Variants in PCNX3 observed in about 807,000 individuals in gnomAD.
PCNX3 encodes the protein pecanex-like protein 3.
In PCNX3, 58 loss-of-function variants were observed where a neutral mutation model predicts 207.2. The ratio of observed to expected loss-of-function variants is 0.28; its 90% confidence interval spans 0.23 to 0.35. The LOEUF is 0.35. PCNX3 is among the 10% of genes least tolerant of loss of function. The pLI is 1.00. For missense variants in PCNX3, 2,410 were observed against 2,774.4 expected (o/e 0.87, Z 2.95); for synonymous variants, 1,337 against 1,183.5 (o/e 1.13, Z -2.66).
In PCNX3 at chr11:65,623,634, C is replaced by G. The variant is rs1344944999; in HGVS notation, c.2501C>G (p.Ser834Cys). Residue 834 changes from serine (S) to cysteine (C), a missense_variant, in exon 12 of 35, where the codon TCC (serine) becomes TGC (cysteine). Physicochemically the swap from Ser to Cys is moderately radical, Grantham distance 112. Around this residue, in one of 8 missense-constraint regions of PCNX3, gnomAD observed 177 missense variants for 257.5 expected, o/e 0.69. Transcript: ENST00000355703. ...CTGGTCATCGCCTCCTGCCAGTACT[C>G]CTTGCTGAAGGTCAGGCCGGGCTCT... ...FCLVIASCQY[S>C]LLKSVQPDAA... 2 of 1,613,046 alleles carry G rather than the reference C, an allele frequency of 1.2e-6. No homozygotes were observed. The highest frequency in any genetic ancestry group is 1.7e-6 in the Non-Finnish European group (2 of 1,179,386).
Position 65,616,371 on chromosome 11 carries a change from T to C in PCNX3, c.60T>C (p.Gly20=). The change falls in exon 1 of 35, where the codon GGT becomes GGC. Residue 20 remains glycine (G), a synonymous_variant. Transcript: ENST00000355703. ...RQGVWASLTG[G]WFFDPHQSTF... ...GGGTGTGGGCCTCGCTCACCGGCGGTTGGTTCTTCGACCCGCACCAGAGCA... is the reference window on the plus strand; with the variant it reads ...GGGTGTGGGCCTCGCTCACCGGCGGCTGGTTCTTCGACCCGCACCAGAGCA... 1.9e-6 allele frequency: 3 copies of C among 1,606,834 alleles called. No homozygotes were observed. The South Asian group carries it at 3.3e-5, about 18-fold the overall frequency.
In PCNX3 at chr11:65,637,100, G is replaced by C. The variant is rs2135494295; in HGVS notation, c.*122G>C. 2 of 1,141,282 alleles carry C rather than the reference G, an allele frequency of 1.8e-6. No homozygotes were observed. The highest frequency in any genetic ancestry group is 5.2e-5 in the East Asian group (2 of 38,708). The allele number at this position is 1,141,282 out of a possible 1,614,324, so 70.7% of individuals were successfully genotyped here. On this transcript the variant is annotated 3_prime_UTR_variant, in exon 35 of 35. Transcript: ENST00000355703. ...CATGTCTGAACCCTGACCTTTGGCT[G>C]CCTTGGCCAGAGTACCAAAACTGAG... is the stretch of plus-strand genomic sequence containing the variant.
chr11:65,620,643 C>T (rs552396782), intron 9 of PCNX3, among the ~76,000 whole-genome samples, 188 bp from the exon 10 acceptor site: 3 of 152,334 alleles, frequency 2.0e-5, no homozygotes, highest in South Asian at 2.1e-4. Flanking sequence ...GCCCAGGGCA[C>T]AGCCTCGACA....
intron 8 of PCNX3, among the ~76,000 whole-genome samples, 159 bp downstream of exon 8, chr11:65,620,091 A>G (rs1201295500): frequency 6.6e-6 from 1 of 152,176 alleles, no homozygotes; most frequent in Non-Finnish European, 1.5e-5. Context: ...TGTCTCTGTC[A>G]TCTTTTGCTC....
At position 65,630,609 on chromosome 11, in the gene PCNX3, G is replaced by A. The variant is rs565997588; in HGVS notation, c.4470+5G>A. The A allele has an allele frequency of 9.4e-6, 15 of 1,602,364 alleles. No homozygotes were observed. The East Asian group carries it at 1.6e-4, about 17-fold the overall frequency. On this transcript the variant is annotated splice_donor_5th_base_variant and intron_variant, in intron 27 of 34. Transcript: ENST00000355703. ...CTCATCACCTACTATGTCAAGGTAC[G>A]GTGGGCAGGTGTGGCCGGGCAGCAG...
rs200543946 is a variant in PCNX3, at chr11:65,618,268, C to T, written c.906C>T (p.Phe302=). The T allele has an allele frequency of 5.1e-5, 82 of 1,610,362 alleles. No individual in the cohort carries two copies. Among genetic ancestry groups the T allele is most frequent in the Non-Finnish European group, 6.8e-5 (80 of 1,178,226 alleles). Residue 302 remains phenylalanine, a synonymous_variant, in exon 6 of 35, where the codon TTC becomes TTT. Transcript: ENST00000355703. ...PQKAGSSDSC[F]SGTDRETLSS... The stretch of plus-strand genomic sequence containing the variant: ...AAGCCGGCTCCTCAGACTCCTGCTT[C>T]AGCGGCACTGACAGGGAGACATTGA...
At chr11:65,624,002 G>A (rs745617621) in intron 13 of PCNX3, 41 bp downstream of exon 13, 60 of 1,607,286 alleles carry the variant, frequency 3.7e-5, no homozygotes, top group Non-Finnish European at 4.6e-5. Flanking sequence ...AGGAGGCCCC[G>A]GGAGGGGCTG....
chr11:65,637,005 C>G lies in PCNX3; in HGVS notation c.*27C>G, dbSNP rs986887454. On this transcript the variant is annotated 3_prime_UTR_variant, in exon 35 of 35. Coordinates refer to ENST00000355703, the MANE Select transcript of PCNX3 (RefSeq NM_032223.4). Reference sequence around the variant, plus strand: ...CTACCTGGCGCCCACTGGACCACCTCCTAGGATTCAGTAACGGACCTGCTC... The same window carrying G: ...CTACCTGGCGCCCACTGGACCACCTGCTAGGATTCAGTAACGGACCTGCTC... 1 of 1,551,480 alleles carries G rather than the reference C, an allele frequency of 6.4e-7. No homozygotes were observed. Among genetic ancestry groups the G allele is most frequent in the African/African-American group, 1.4e-5 (1 of 73,540 alleles).
rs769955587 is a variant in PCNX3 at position 65,618,345 on chromosome 11, G to T, written c.983G>T (p.Gly328Val). The part of the protein sequence containing the change: ...TNSTHLDSPP[G>V]GPAPEGSDTD... The stretch of plus-strand genomic sequence containing the variant: ...TCCACCCATCTGGACAGCCCCCCAG[G>T]GGGGCCAGCCCCTGAGGGCAGCGAC... The change falls in exon 6 of 35, where the codon GGG becomes GTG. Residue 328 changes from glycine to valine, a missense_variant. Coordinates refer to ENST00000355703, the MANE Select transcript of PCNX3 (RefSeq NM_032223.4). 9 of 1,611,998 alleles carry T rather than the reference G, an allele frequency of 5.6e-6. No homozygotes were observed. Among genetic ancestry groups the T allele is most frequent in the African/African-American group, 2.7e-5 (2 of 74,930 alleles).
chr11:65,621,445 C>T (rs1041396842), intron 10 of PCNX3, among the ~76,000 whole-genome samples: 1 of 152,218 alleles, frequency 6.6e-6, no homozygotes, highest in Non-Finnish European at 1.5e-5. Flanking sequence ...TATACTTAAT[C>T]TATTAACACC....
chr11:65,629,082 C>A, intron 24 of PCNX3, 134 bp downstream of exon 24: 1 of 1,324,740 alleles, frequency 7.5e-7, no homozygotes, highest in Non-Finnish European at 1.0e-6. Flanking sequence ...ACACATGAGG[C>A]GGCAGATCCA....
Position 65,636,748 on chromosome 11 carries a change from C to G in PCNX3, c.5893-18C>G. ...GGCTAAGGCCTGCTCACCCGCCAAC[C>G]TCTCCCCCCTCCCCCAGGCGCCTCT... On this transcript the variant is annotated intron_variant, in intron 34 of 34. Coordinates refer to ENST00000355703, the MANE Select transcript of PCNX3 (RefSeq NM_032223.4). 6.5e-7 allele frequency: 1 copy of G among 1,546,140 alleles called. No homozygotes were observed. Among genetic ancestry groups the G allele is most frequent in the Non-Finnish European group, 8.7e-7 (1 of 1,144,580 alleles).
In PCNX3 at chr11:65,616,474, C is replaced by T. The variant is rs202125182; in HGVS notation, c.153+10C>T. ...CTTCTTACTGTACATGGTGAGACGC[C>T]ACGGCCACCTGTAACTCCAGCCGGG... On this transcript the variant is annotated intron_variant, in intron 1 of 34. Transcript: ENST00000355703. 10 of 1,598,532 alleles carry T rather than the reference C, an allele frequency of 6.3e-6. No individual in the cohort carries two copies. The Admixed American group carries it at 1.4e-4, about 22-fold the overall frequency.
intron 26 of PCNX3, 65 bp from the exon 27 acceptor site, chr11:65,630,286 T>C (rs1855566839): frequency 3.2e-6 from 5 of 1,549,170 alleles, no homozygotes; most frequent in Non-Finnish European, 4.4e-6. Flanking sequence ...TGTTGGTCAC[T>C]CTCCCAGGAC....
In PCNX3 at chr11:65,616,266, C is replaced by T. The variant is rs757791494; in HGVS notation, c.-46C>T. ...ACGGGGCATGGGCCGGGGGCCGCCC[C>T]CATGAGGGTCCCGGGAGGGGGGGCG... On this transcript the variant is annotated 5_prime_UTR_variant, in exon 1 of 35. Coordinates refer to ENST00000355703, the MANE Select transcript of PCNX3 (RefSeq NM_032223.4). 3 of 1,483,542 alleles carry T rather than the reference C, an allele frequency of 2.0e-6. No individual in the cohort carries two copies. Among genetic ancestry groups the T allele is most frequent in the Non-Finnish European group, 2.7e-6 (3 of 1,117,040 alleles). The allele number at this position is 1,483,542 out of a possible 1,614,324, so 91.9% of individuals were successfully genotyped here.
chr11:65,626,932 G>T lies in PCNX3; in HGVS notation c.3408G>T (p.Lys1136Asn). 6.3e-7 allele frequency: 1 copy of T among 1,585,190 alleles called. No individual in the cohort carries two copies. ...RGAAQVMWFEKLYAGLQCVEK... is the reference protein window; with the variant it reads ...RGAAQVMWFENLYAGLQCVEK... ...CCGCCCAGGTGATGTGGTTTGAGAA[G>T]CTGTATGCTGGCCTGCAGTGCGTAG... The change falls in exon 21 of 35, where the codon AAG (lysine) becomes AAT (asparagine). Residue 1136 changes from lysine (K) to asparagine (N), a missense_variant. This residue lies in a region of PCNX3 where 333 missense variants were observed against 386.8 expected (regional missense o/e 0.86). Transcript: ENST00000355703.
chr11:65,631,628 C>T (rs543568813), intron 27 of PCNX3, among the ~76,000 whole-genome samples: 1 of 152,060 alleles, frequency 6.6e-6, no homozygotes, highest in South Asian at 2.1e-4. Flanking sequence ...TACTGCACTC[C>T]AGCCTGGGCA....
chr11:65,622,604 A>G (rs920778864), intron 11 of PCNX3, among the ~76,000 whole-genome samples: 1 of 151,966 alleles, frequency 6.6e-6, no homozygotes, highest in Non-Finnish European at 1.5e-5. Context: ...TGCTGAAAAA[A>G]ACTTTTTTTG....
Position 65,624,476 on chromosome 11 carries a change from A to G in PCNX3, c.2722A>G (p.Thr908Ala). 1 of 1,596,630 alleles carries G rather than the reference A, an allele frequency of 6.3e-7. No individual in the cohort carries two copies. The highest frequency in any genetic ancestry group is 8.5e-7 in the Non-Finnish European group (1 of 1,171,428). The change falls in exon 15 of 35, where the codon ACC (threonine) becomes GCC (alanine). Residue 908 changes from threonine (T) to alanine (A), a missense_variant. Physicochemically the swap from Thr to Ala is moderately conservative, Grantham distance 58 (BLOSUM62 0). Coordinates refer to ENST00000355703, the MANE Select transcript of PCNX3 (RefSeq NM_032223.4). ...FCARDVATVF[T>A]LCFPFVFLLG... ...TCGTGTCCCCTCCCTGCCAGTGTTC[A>G]CCCTGTGCTTCCCCTTCGTCTTCCT...
Sources: gnomAD v4.1 joint callset for allele counts (sites outside exome capture counted in the v4.1 genomes callset) on GRCh38, gnomAD v4.1.1 for gene constraint, gnomAD v4.1.1 regional missense constraint, MANE v1.5 for transcripts, NCBI Gene and HGNC (gene_info 2026-07-23, HGNC 2026-07-21) for gene names.